The following PSD3 variants were observed in gnomAD, a reference collection of about 807,000 sequenced individuals.
PSD3 encodes pleckstrin and Sec7 domain containing 3.
A neutral mutation model predicts 105.5 loss-of-function variants in PSD3; 49 were observed. The ratio of observed to expected loss-of-function variants is 0.46; its 90% confidence interval spans 0.37 to 0.59. PSD3 has a LOEUF of 0.59. Among genes scored for constraint, PSD3 ranks in the 20% least tolerant of loss-of-function variants. The pLI is 0.00. For synonymous variants in PSD3, 557 were observed against 457.8 expected (o/e 1.22, Z -2.77); for missense variants, 1,561 against 1,263.8 (o/e 1.24, Z -3.57).
At chr8:19,021,022 G>T (rs1174046488) in intron 1 of PSD3, among the ~76,000 whole-genome samples, 2 of 152,168 alleles carry the variant, frequency 1.3e-5, no homozygotes, top group Admixed American at 1.3e-4. Flanking sequence ...AGCTGTAACA[G>T]AGATGATATT....
Position 18,871,693 on chromosome 8 carries a change from C to A in PSD3, c.1171G>T (p.Glu391Ter). Residue 391 changes from glutamate (E) to a stop codon, truncating the protein, a stop_gained, in exon 3 of 16, where the codon GAA (glutamate) becomes TAA (stop). Coordinates refer to ENST00000327040, the MANE Select transcript of PSD3 (RefSeq NM_015310.4). LOFTEE classifies it high-confidence loss of function. The part of the protein sequence containing the change: ...PVRLDESGED[E>*]VFLQENKQHL... Reference sequence around the variant, plus strand: ...TGTTTGTTTTCCTGTAGGAAGACTTCATCCTCTCCACTCTCATCAAGACGC... The same window carrying A: ...TGTTTGTTTTCCTGTAGGAAGACTTAATCCTCTCCACTCTCATCAAGACGC... 1 of 1,614,064 alleles carries A rather than the reference C, an allele frequency of 6.2e-7. No individual in the cohort carries two copies.
chr8:18,962,914 G>A (rs1012433563), intron 1 of PSD3, among the ~76,000 whole-genome samples: 1 of 152,172 alleles, frequency 6.6e-6, no homozygotes, highest in Admixed American at 6.6e-5. Flanking sequence ...ATATGCCATG[G>A]TCCTTGGAAG....
intron 1 of PSD3, among the ~76,000 whole-genome samples, chr8:19,019,890 G>C (rs886897126): frequency 1.2e-4 from 19 of 152,160 alleles, no homozygotes; most frequent in African/African-American, 4.3e-4. Flanking sequence ...GGTCGGAAGA[G>C]AATGGAGAAA....
chr8:18,805,682 T>C (rs901635358), intron 4 of PSD3, among the ~76,000 whole-genome samples: 14 of 152,210 alleles, frequency 9.2e-5, no homozygotes, highest in African/African-American at 3.4e-4. Context: ...ATTGGTTATC[T>C]GCAAAACATG....
intron 9 of PSD3, among the ~76,000 whole-genome samples, chr8:18,677,167 T>A (rs965936346): frequency 6.6e-6 from 1 of 152,184 alleles, no homozygotes; most frequent in Non-Finnish European, 1.5e-5. Flanking sequence ...ATTTGAGAAA[T>A]TCACAGATAC....
chr8:18,721,210 A>T (rs6995855), intron 9 of PSD3: 1 of 151,860 alleles, frequency 6.6e-6, no homozygotes, highest in Non-Finnish European at 1.5e-5. Context: ...GCAATTTCTG[A>T]TACTGTTTTA....
intron 8 of PSD3, among the ~76,000 whole-genome samples, chr8:18,781,659 C>T (rs1164447459): frequency 6.6e-6 from 1 of 151,992 alleles, no homozygotes; most frequent in Non-Finnish European, 1.5e-5. Flanking sequence ...TTTAACAGTT[C>T]GACTATGAAG....
chr8:18,868,835 C>A (rs543024374), intron 3 of PSD3, among the ~76,000 whole-genome samples: 1 of 152,244 alleles, frequency 6.6e-6, no homozygotes, highest in Admixed American at 6.5e-5. Flanking sequence ...CTACTAAGAG[C>A]AAGAGGTCAA....
chr8:18,930,305 A>G lies in PSD3; in HGVS notation c.130+5729T>C, dbSNP rs540210935. Among the ~76,000 whole-genome samples the G allele has an allele frequency of 5.1e-4, 77 of 152,306 alleles. 1 individual carries two copies. The South Asian group carries it at 0.016, about 31-fold the overall frequency. ...TCCAGTGCATACTGCATACTAAATCAAAGCCAATTAAGGCAAAAGAAGGGA... is the reference window on the plus strand; with the variant it reads ...TCCAGTGCATACTGCATACTAAATCGAAGCCAATTAAGGCAAAAGAAGGGA... On this transcript the variant is annotated intron_variant, in intron 2 of 15. Coordinates refer to ENST00000327040, the MANE Select transcript of PSD3 (RefSeq NM_015310.4).
At chr8:19,016,385 A>G (rs958901257), upstream of PSD3, among the ~76,000 whole-genome samples, 3 of 152,360 alleles carry the variant, frequency 2.0e-5, no homozygotes, top group Admixed American at 2.0e-4. Context: ...AAGGAAGATG[A>G]AATTCCATCA....
At chr8:18,752,599 AT>A (rs1424980291) in intron 9 of PSD3, among the ~76,000 whole-genome samples, 1,143 of 85,612 alleles carry the variant, frequency 0.013, 20 homozygotes, top group Middle Eastern at 0.024. Context: ...TATATTATAT[AT>A]TATATATAAT....
At chr8:18,867,552 C>G in intron 4 of PSD3, 122 bp downstream of exon 4, 2 of 1,265,968 alleles carry the variant, frequency 1.6e-6, no homozygotes, top group Non-Finnish European at 2.1e-6. Flanking sequence ...TTACTCACAT[C>G]ATTTGCTTAT....
intron 11 of PSD3, among the ~76,000 whole-genome samples, chr8:18,611,258 A>G (rs1368472131): frequency 1.3e-5 from 2 of 152,048 alleles, no homozygotes; most frequent in African/African-American, 2.4e-5. Context: ...TTGGAAAAAA[A>G]AAAAAAAAAA....
chr8:18,658,111 G>A (rs1809035175), intron 9 of PSD3, among the ~76,000 whole-genome samples: 1 of 152,130 alleles, frequency 6.6e-6, no homozygotes, highest in African/African-American at 2.4e-5. Flanking sequence ...CAGTATTGCA[G>A]GTCAAGTCCT....
At chr8:18,819,722 G>C (rs897713917) in intron 4 of PSD3, among the ~76,000 whole-genome samples, 1 of 151,946 alleles carries the variant, frequency 6.6e-6, no homozygotes, top group Non-Finnish European at 1.5e-5. Flanking sequence ...AGGACTGCAG[G>C]CGCCCACCAC....
At chr8:18,806,999 G>T (rs1176321246) in intron 4 of PSD3, among the ~76,000 whole-genome samples, 3 of 151,994 alleles carry the variant, frequency 2.0e-5, no homozygotes, top group African/African-American at 7.3e-5. Flanking sequence ...CAAACCACCG[G>T]ATTTTATACT....
At chr8:18,654,311 G>A (rs956587197) in intron 10 of PSD3, among the ~76,000 whole-genome samples, 3 of 152,068 alleles carry the variant, frequency 2.0e-5, no homozygotes, top group Non-Finnish European at 2.9e-5. Context: ...TTCCTCCAAC[G>A]TGCAGATAAC....
rs75306697 is a variant in PSD3, at chr8:18,688,248, G to A, written c.2173-32563C>T. 1.8e-3 allele frequency among the ~76,000 whole-genome samples: 252 copies of A among 143,766 alleles called. 2 individuals are homozygous for A. In the East Asian group the frequency reaches 0.023, roughly 13 times the overall value. 94.3% of individuals were successfully genotyped at this position (143,766 alleles called of 152,430 possible). On this transcript the variant is annotated intron_variant, in intron 9 of 15. Transcript: ENST00000327040. ...ACAGGCATGCACCTGGCACGATCACGTCAGGCTGTTTGTTTGTTTGTTTGT... is the reference window on the plus strand; with the variant it reads ...ACAGGCATGCACCTGGCACGATCACATCAGGCTGTTTGTTTGTTTGTTTGT...
chr8:18,826,377 T>C (rs1813187560), intron 4 of PSD3, among the ~76,000 whole-genome samples: 1 of 152,196 alleles, frequency 6.6e-6, no homozygotes, highest in South Asian at 2.1e-4. Flanking sequence ...CTGTTACAAT[T>C]ACACTACTCT....
Sources: gnomAD v4.1 joint callset for allele counts (sites outside exome capture counted in the v4.1 genomes callset) on GRCh38, gnomAD v4.1.1 for gene constraint, MANE v1.5 for transcripts, NCBI Gene and HGNC (gene_info 2026-07-23, HGNC 2026-07-21) for gene names.